Variants in ZNF302 observed in about 807,000 individuals in gnomAD.
ZNF302 encodes the protein zinc finger protein 302, also known as zinc finger protein 327.
A neutral mutation model predicts 10.8 loss-of-function variants in ZNF302; 12 were observed. The observed-to-expected ratio is 1.11, with a 90% confidence interval of 0.71 to 1.79. The LOEUF is 1.79. ZNF302 is among the 40% of genes most tolerant of loss of function. The pLI is 0.00. For synonymous variants in ZNF302, 178 were observed against 157.5 expected (o/e 1.13, Z -0.98); for missense variants, 461 against 471.1 (o/e 0.98, Z 0.20).
intron 2 of ZNF302, chr19:34,681,966 C>T (rs2068372017): frequency 6.6e-6 from 1 of 152,166 alleles, no homozygotes; most frequent in Non-Finnish European, 1.5e-5. Context: ...ACAAATACCC[C>T]AGACTGAGTA....
upstream of ZNF302, chr19:34,677,545 C>T (rs1430052402): frequency 6.6e-6 from 1 of 152,302 alleles, no homozygotes; most frequent in African/African-American, 2.4e-5. Context: ...GCCCGCGGCG[C>T]ACCAGGTCCG....
At chr19:34,683,965 C>A in intron 4 of ZNF302, 1 of 1,329,818 alleles carries the variant, frequency 7.5e-7, no homozygotes, top group Non-Finnish European at 9.6e-7. Flanking sequence ...TTCCTTTTTT[C>A]CATACTATTT....
intron 2 of ZNF302, chr19:34,681,458 GA>G (rs1461655185): frequency 6.6e-6 from 1 of 152,130 alleles, no homozygotes; most frequent in Non-Finnish European, 1.5e-5. Flanking sequence ...TCTATGGCAG[GA>G]GTCCTCAACC....
intron 4 of ZNF302, among the ~76,000 whole-genome samples, chr19:34,683,570 T>A (rs1286562751): frequency 6.6e-6 from 1 of 152,206 alleles, no homozygotes; most frequent in East Asian, 1.9e-4. Flanking sequence ...AGAAAAGCTG[T>A]CAGTTAGATG....
At chr19:34,684,142 A>T in intron 4 of ZNF302, 110 bp from the exon 5 acceptor site, 1 of 1,283,088 alleles carries the variant, frequency 7.8e-7, no homozygotes, top group African/African-American at 1.8e-5. Context: ...AATTCTCCTA[A>T]TTCCACTGTA....
chr19:34,682,107 G>C (rs2068381663), intron 2 of ZNF302: 1 of 152,134 alleles, frequency 6.6e-6, no homozygotes, highest in African/African-American at 2.4e-5. Context: ...ACGAGAGAGA[G>C]GCAAAGGGGG....
At chr19:34,681,048 T>TA (rs1219142141) in intron 2 of ZNF302, among the ~76,000 whole-genome samples, 2 of 152,208 alleles carry the variant, frequency 1.3e-5, no homozygotes, top group African/African-American at 4.8e-5. Context: ...ATTCGAATTT[T>TA]AATTATTTTC....
chr19:34,678,957 C>T, intron 2 of ZNF302, 144 bp downstream of exon 2: 1 of 934,292 alleles, frequency 1.1e-6, no homozygotes, highest in Non-Finnish European at 1.7e-6. Context: ...AAGAATGGAG[C>T]CCACAGGAGA....
At chr19:34,679,623 G>T (rs560624289) in intron 2 of ZNF302, among the ~76,000 whole-genome samples, 3 of 152,226 alleles carry the variant, frequency 2.0e-5, no homozygotes, top group East Asian at 3.9e-4. Context: ...TTGTTCCGTG[G>T]TTACTTTCTC....
At chr19:34,681,216 A>G (rs764501128) in intron 2 of ZNF302, 5 of 152,364 alleles carry the variant, frequency 3.3e-5, no homozygotes, top group Non-Finnish European at 5.9e-5. Flanking sequence ...CAAATCACAG[A>G]CAGTAATAAC....
rs938944349 is a variant in ZNF302 at position 34,685,728 on chromosome 19, G to C, written c.*491G>C. The C allele has an allele frequency of 1.6e-6, 1 of 610,806 alleles. No individual in the cohort carries two copies. Among genetic ancestry groups the C allele is most frequent in the African/African-American group, 1.8e-5 (1 of 54,796 alleles). The allele number at this position is 610,806 out of a possible 1,614,324, so 37.8% of individuals were successfully genotyped here. On this transcript the variant is annotated 3_prime_UTR_variant, in exon 5 of 5. Transcript: ENST00000505242. Reference sequence around the variant, plus strand: ...TGGGGAAAAGTTGTATGAAGGTGGTGAACATGGGAGACTTTTAGCAATGAT... The same window carrying C: ...TGGGGAAAAGTTGTATGAAGGTGGTCAACATGGGAGACTTTTAGCAATGAT...
Position 34,686,109 on chromosome 19 carries a change from C to T in ZNF302, c.*872C>T, listed in dbSNP as rs1453528937. ...AGACATAAGAAGATGAATGGTAGAGCAACCTGAAGGATTTAGAAATTACAT... is the reference window on the plus strand; with the variant it reads ...AGACATAAGAAGATGAATGGTAGAGTAACCTGAAGGATTTAGAAATTACAT... On this transcript the variant is annotated 3_prime_UTR_variant, in exon 5 of 5. Transcript: ENST00000505242. 1.3e-5 allele frequency: 2 copies of T among 152,634 alleles called. No homozygotes were observed. Among genetic ancestry groups the T allele is most frequent in the Non-Finnish European group, 2.9e-5 (2 of 68,374 alleles). 9.5% of individuals were successfully genotyped at this position (152,634 alleles called of 1,614,324 possible).
rs772247833 is a variant in ZNF302, at chr19:34,684,788, C to T, written c.751C>T (p.His251Tyr). 3.1e-6 allele frequency: 5 copies of T among 1,613,860 alleles called. No individual in the cohort carries two copies. Among genetic ancestry groups the T allele is most frequent in the Non-Finnish European group, 3.4e-6 (4 of 1,179,892 alleles). ...ATCCCTTACACGACATCAGATAAGC[C>T]ATAGTGGAGAGAAACCTTACAAATG... Reference protein sequence around the residue: ...GSSLTRHQISHSGEKPYKCIE... With the variant: ...GSSLTRHQISYSGEKPYKCIE... Residue 251 changes from histidine (H) to tyrosine (Y), a missense_variant, in exon 5 of 5, where the codon CAT becomes TAT. By Grantham distance (83) the His-to-Tyr change is moderately conservative. Coordinates refer to ENST00000505242, the MANE Select transcript of ZNF302 (RefSeq NM_001289187.2).
chr19:34,678,608 C>T (rs1242248153), intron 1 of ZNF302, 129 bp from the exon 2 acceptor site: 2 of 581,816 alleles, frequency 3.4e-6, no homozygotes, highest in African/African-American at 1.9e-5. Context: ...CACCCTGTTC[C>T]TTCCCAGGGA....
At chr19:34,680,465 AT>A (rs1342464156) in intron 2 of ZNF302, among the ~76,000 whole-genome samples, 1 of 152,206 alleles carries the variant, frequency 6.6e-6, no homozygotes, top group Admixed American at 6.5e-5. Flanking sequence ...TTTAAATTTT[AT>A]TTAATTATTT....
chr19:34,678,526 A>T (rs2068122967), intron 1 of ZNF302, among the ~76,000 whole-genome samples: 1 of 151,832 alleles, frequency 6.6e-6, no homozygotes, highest in Non-Finnish European at 1.5e-5. Context: ...CCGTTGTTTT[A>T]TGAGTCTTTT....
chr19:34,682,840 C>T lies in ZNF302; in HGVS notation c.73C>T (p.Gln25Ter). The part of the protein sequence containing the change: ...HEEWACLDSA[Q>*]RDLYKDVMVQ... ...AGAGTGGGCATGCCTAGATTCTGCT[C>T]AGAGGGACTTATACAAGGATGTGAT... The change falls in exon 3 of 5, where the codon CAG becomes TAG. Residue 25 changes from glutamine (Q) to a stop codon, truncating the protein, a stop_gained. Coordinates refer to ENST00000505242, the MANE Select transcript of ZNF302 (RefSeq NM_001289187.2). LOFTEE classifies it high-confidence loss of function. 1 of 1,613,830 alleles carries T rather than the reference C, an allele frequency of 6.2e-7. No homozygotes were observed. Among genetic ancestry groups the T allele is most frequent in the Non-Finnish European group, 8.5e-7 (1 of 1,179,764 alleles).
At position 34,684,797 on chromosome 19, in the gene ZNF302, G is replaced by C. The variant is rs1197451138; in HGVS notation, c.760G>C (p.Glu254Gln). Residue 254 changes from glutamate (E) to glutamine (Q), a missense_variant, in exon 5 of 5, where the codon GAG (glutamate) becomes CAG (glutamine). Coordinates refer to ENST00000505242, the MANE Select transcript of ZNF302 (RefSeq NM_001289187.2). ...ACGACATCAGATAAGCCATAGTGGA[G>C]AGAAACCTTACAAATGCATTGAATG... ...LTRHQISHSG[E>Q]KPYKCIECGK... 3 of 1,613,988 alleles carry C rather than the reference G, an allele frequency of 1.9e-6. No homozygotes were observed. The Admixed American group carries it at 5.0e-5, about 27-fold the overall frequency.
At chr19:34,676,834 A>G (rs192105339), upstream of ZNF302, 3 of 152,294 alleles carry the variant, frequency 2.0e-5, no homozygotes, top group Admixed American at 2.0e-4. Flanking sequence ...ATACACAAAC[A>G]GTAGACTGCT....
Sources: gnomAD v4.1 joint callset for allele counts (sites outside exome capture counted in the v4.1 genomes callset) on GRCh38, gnomAD v4.1.1 for gene constraint, MANE v1.5 for transcripts, NCBI Gene and HGNC (gene_info 2026-07-23, HGNC 2026-07-21) for gene names.